The following SH3KBP1 variants were observed in gnomAD, a reference collection of about 807,000 sequenced individuals.
SH3KBP1 encodes SH3 domain containing kinase binding protein 1.
Under a neutral mutation model 50.1 loss-of-function variants are expected in SH3KBP1, and 8 were observed. The observed-to-expected ratio is 0.16, with a 90% CI of 0.09 to 0.29. The LOEUF is 0.29. Among genes scored for constraint, SH3KBP1 ranks in the 10% least tolerant of loss-of-function variants. The pLI, the probability that SH3KBP1 is intolerant of heterozygous loss-of-function variation, is 1.00. For synonymous variants in SH3KBP1, 227 were observed against 218.6 expected (o/e 1.04, Z -0.34); for missense variants, 377 against 535.2 (o/e 0.70, Z 2.92).
chrX:19,600,549 C>A (rs2067056558), intron 9 of SH3KBP1, among the ~76,000 whole-genome samples: 1 of 111,671 alleles, frequency 9.0e-6, no homozygotes, highest in East Asian at 2.8e-4. Context: ...ATGAAGAGAT[C>A]ATTTAGTTGA....
chrX:19,730,003 T>TA (rs1342157025), intron 3 of SH3KBP1, among the ~76,000 whole-genome samples: 1 of 108,372 alleles, frequency 9.2e-6, no homozygotes, highest in Non-Finnish European at 1.9e-5. Context: ...AACTGAGCGA[T>TA]TTTTTTTTTC....
At chrX:19,567,557 A>AATATATATATATATATAT (rs1555990522) in intron 13 of SH3KBP1, among the ~76,000 whole-genome samples, 4 of 35,083 alleles carry the variant, frequency 1.1e-4, no homozygotes, top group African/African-American at 6.8e-4. Context: ...AAAAAAAAAA[A>AATATATATATATATATAT]ATATATATAT....
At chrX:19,878,501 TGTGTGA>T (rs1388126516) in intron 1 of SH3KBP1, among the ~76,000 whole-genome samples, 9 of 79,664 alleles carry the variant, frequency 1.1e-4, no homozygotes, top group Admixed American at 3.9e-4. Context: ...TGTGTGTGTG[TGTGTGA>T]GAGAGAGAGA....
At chrX:19,575,256 G>GA (rs1260889648) in intron 12 of SH3KBP1, among the ~76,000 whole-genome samples, 1 of 112,228 alleles carries the variant, frequency 8.9e-6, no homozygotes, top group African/African-American at 3.2e-5. Context: ...TGGATAAAAG[G>GA]AAAAAACTAT....
At chrX:19,699,854 C>G (rs2063504300) in intron 4 of SH3KBP1, among the ~76,000 whole-genome samples, 2 of 111,724 alleles carry the variant, frequency 1.8e-5, no homozygotes, top group Admixed American at 1.9e-4. Context: ...TGGCGTGCTC[C>G]CTGTGAGTGC....
intron 13 of SH3KBP1, among the ~76,000 whole-genome samples, chrX:19,563,039 C>T (rs968315278): frequency 2.7e-5 from 3 of 112,121 alleles, no homozygotes; most frequent in Non-Finnish European, 5.6e-5. Context: ...TCAATGTTTA[C>T]TGAGTTTGCG....
chrX:19,797,004 A>G (rs1686744755), intron 2 of SH3KBP1, among the ~76,000 whole-genome samples: 1 of 112,616 alleles, frequency 8.9e-6, no homozygotes, highest in Non-Finnish European at 1.9e-5. Flanking sequence ...TATTCATTCA[A>G]CAAATATCTG....
intron 9 of SH3KBP1, among the ~76,000 whole-genome samples, chrX:19,605,165 G>GCC (rs764427544): frequency 9.3e-6 from 1 of 107,475 alleles, no homozygotes; most frequent in South Asian, 4.1e-4. Flanking sequence ...TGAATTTACT[G>GCC]CCCCCCCCCA....
chrX:19,670,165 C>A (rs914370803), intron 6 of SH3KBP1: 6 of 127,089 alleles, frequency 4.7e-5, no homozygotes, highest in African/African-American at 1.9e-4. Flanking sequence ...TTCTAGCAAA[C>A]TTTTATAAAA....
At chrX:19,682,635 T>C (rs2063081801) in intron 6 of SH3KBP1, among the ~76,000 whole-genome samples, 1 of 110,560 alleles carries the variant, frequency 9.0e-6, no homozygotes, top group African/African-American at 3.3e-5. Flanking sequence ...ATATCATATA[T>C]TGATTGCTGA....
At chrX:19,654,269 A>G (rs949877831) in intron 6 of SH3KBP1, among the ~76,000 whole-genome samples, 2 of 111,724 alleles carry the variant, frequency 1.8e-5, no homozygotes, top group African/African-American at 6.5e-5. Context: ...ACTGGAAAGA[A>G]GCATATGACA....
intron 8 of SH3KBP1, among the ~76,000 whole-genome samples, chrX:19,612,332 G>A (rs886619589): frequency 8.1e-5 from 9 of 111,667 alleles, no homozygotes; most frequent in East Asian, 2.8e-4. Context: ...GCATGATCTC[G>A]GCTCACTGCA....
At chrX:19,878,265 G>T (rs1360938117) in intron 1 of SH3KBP1, among the ~76,000 whole-genome samples, 1 of 107,252 alleles carries the variant, frequency 9.3e-6, no homozygotes, top group Non-Finnish European at 1.9e-5. Flanking sequence ...CGAGGGATCT[G>T]TTTGGCACTG....
chrX:19,831,621 G>A (rs1244527681), intron 2 of SH3KBP1, among the ~76,000 whole-genome samples: 3 of 105,893 alleles, frequency 2.8e-5, no homozygotes, highest in East Asian at 2.9e-4. Context: ...GAGAAACCCC[G>A]TCTCTACTAA....
rs185587520 is a variant in SH3KBP1 at position 19,544,343 on chromosome X, C to T, written c.1623+1579G>A. ...GACACCGGCTAGACAATTTGAGCAA[C>T]GATCGGTTGGCACAAGCATTTTACC... On this transcript the variant is annotated intron_variant, in intron 15 of 17. Transcript: ENST00000397821. 5.9e-4 allele frequency among the ~76,000 whole-genome samples: 65 copies of T among 110,402 alleles called. 1 individual carries two copies. The highest frequency in any genetic ancestry group is 4.6e-3 in the Middle Eastern group (1 of 216).
chrX:19,886,875 C>A (rs1054725637), intron 1 of SH3KBP1, among the ~76,000 whole-genome samples: 4 of 102,446 alleles, frequency 3.9e-5, no homozygotes, highest in Admixed American at 2.1e-4. Flanking sequence ...GTTCCAGCTT[C>A]CCCCGAGACA....
intron 2 of SH3KBP1, among the ~76,000 whole-genome samples, chrX:19,795,219 G>A (rs2066673370): frequency 9.0e-6 from 1 of 111,090 alleles, no homozygotes; most frequent in South Asian, 3.8e-4. Flanking sequence ...GCTTGCTTTT[G>A]CATGGAGATG....
chrX:19,758,100 C>A (rs1434012040), intron 2 of SH3KBP1, among the ~76,000 whole-genome samples: 1 of 109,666 alleles, frequency 9.1e-6, no homozygotes, highest in African/African-American at 3.3e-5. Context: ...CCAAGGTGGG[C>A]GGATCACCTG....
At chrX:19,876,269 G>A (rs2069247511) in intron 1 of SH3KBP1, among the ~76,000 whole-genome samples, 1 of 111,855 alleles carries the variant, frequency 8.9e-6, no homozygotes, top group African/African-American at 3.3e-5. Flanking sequence ...GCCGAGGCAG[G>A]AGAATCGCTT....
Sources: allele counts gnomAD v4.1 joint callset (sites outside exome capture counted in the v4.1 genomes callset), GRCh38; gene constraint gnomAD v4.1.1; transcripts MANE v1.5; gene names NCBI Gene and HGNC (gene_info 2026-07-23, HGNC 2026-07-21).